The following CFDP1 variants were observed in gnomAD, a reference collection of about 807,000 sequenced individuals.
CFDP1 encodes heterochromatin-stabilizing protein CFDP1.
Under a neutral mutation model 40.1 loss-of-function variants are expected in CFDP1, and 31 were observed. The observed-to-expected ratio is 0.77, with a 90% confidence interval of 0.58 to 1.04. The LOEUF (loss-of-function observed/expected upper bound fraction) is 1.04, where lower values mean the gene tolerates loss of function less well. Ranked by LOEUF, CFDP1 falls within the 50% of genes least tolerant of loss-of-function variation. CFDP1 has a pLI of 0.00. For synonymous variants in CFDP1, 167 were observed against 120.0 expected, an observed-to-expected ratio of 1.39 and a Z score of -2.56; for missense variants, 423 against 343.4, an observed-to-expected ratio of 1.23 and a Z score of -1.83.
chr16:75,411,719 C>A (rs2079164234), intron 4 of CFDP1, 106 bp downstream of exon 4: 7 of 1,197,898 alleles, frequency 5.8e-6, no homozygotes, highest in Non-Finnish European at 7.1e-6. Flanking sequence ...ATAACTCTCC[C>A]AAAATATTAT....
At chr16:75,343,306 A>G (rs1421695264) in intron 5 of CFDP1, among the ~76,000 whole-genome samples, 1 of 152,036 alleles carries the variant, frequency 6.6e-6, no homozygotes, top group East Asian at 1.9e-4. Flanking sequence ...CTCTCCGCAC[A>G]TGCATGTTCT....
Position 75,330,985 on chromosome 16 carries a change from A to ACAAAC in CFDP1, c.651-25804_651-25803insGTTTG, listed in dbSNP as rs1555554966. ...ATTAAAAAAAAAAAAAAAAAAAAAA[A>ACAAAC]CACAAAGTGGGCCTTATTCACCAGG... is the stretch of plus-strand genomic sequence containing the variant. On this transcript the variant is annotated intron_variant, in intron 5 of 6. Coordinates refer to ENST00000283882, the MANE Select transcript of CFDP1 (RefSeq NM_006324.3). 9.8e-5 allele frequency among the ~76,000 whole-genome samples: 14 copies of ACAAAC among 142,612 alleles called. 2 individuals are homozygous for ACAAAC. Among genetic ancestry groups the ACAAAC allele is most frequent in the Non-Finnish European group, 6.0e-5 (4 of 66,174 alleles). The allele number at this position is 142,612 out of a possible 152,430, so 93.6% of individuals were successfully genotyped here.
At chr16:75,317,120 C>G (rs1327143398) in intron 5 of CFDP1, among the ~76,000 whole-genome samples, 4 of 152,252 alleles carry the variant, frequency 2.6e-5, no homozygotes, top group Non-Finnish European at 5.9e-5. Flanking sequence ...AGAGGCCTCT[C>G]TGGCCAACAT....
intron 5 of CFDP1, among the ~76,000 whole-genome samples, chr16:75,376,028 T>C (rs1200772188): frequency 1.3e-5 from 2 of 152,118 alleles, no homozygotes; most frequent in Non-Finnish European, 2.9e-5. Flanking sequence ...GCCTGCAACA[T>C]GGGGAGACCC....
At chr16:75,433,035 A>C (rs1239687220) in intron 1 of CFDP1, among the ~76,000 whole-genome samples, 2 of 152,198 alleles carry the variant, frequency 1.3e-5, no homozygotes, top group Non-Finnish European at 2.9e-5. Context: ...GGCCGTGTCC[A>C]TGTGCCGGTT....
intron 5 of CFDP1, among the ~76,000 whole-genome samples, chr16:75,347,666 G>T (rs997529330): frequency 1.3e-5 from 2 of 152,102 alleles, no homozygotes; most frequent in Non-Finnish European, 2.9e-5. Flanking sequence ...GTGAAAGAGC[G>T]AGACTCCGTC....
chr16:75,350,874 A>G (rs1056583705), intron 5 of CFDP1, among the ~76,000 whole-genome samples: 6 of 152,224 alleles, frequency 3.9e-5, no homozygotes, highest in Admixed American at 3.3e-4. Flanking sequence ...AGCAATTCCC[A>G]AAAATAAATG....
intron 5 of CFDP1, among the ~76,000 whole-genome samples, chr16:75,363,972 C>CACACACACACAG (rs1444591975): frequency 6.6e-6 from 1 of 151,618 alleles, no homozygotes; most frequent in African/African-American, 2.4e-5. Context: ...CACACACACA[C>CACACACACACAG]AGCCATGCAA....
chr16:75,320,087 G>C (rs938705491), intron 5 of CFDP1, among the ~76,000 whole-genome samples: 6 of 152,182 alleles, frequency 3.9e-5, no homozygotes, highest in Admixed American at 3.9e-4. Context: ...TCCATCTCTA[G>C]AGCAAGAGAA....
intron 5 of CFDP1, among the ~76,000 whole-genome samples, chr16:75,314,036 T>C (rs766552615): frequency 1.1e-4 from 16 of 152,080 alleles, no homozygotes; most frequent in Non-Finnish European, 1.9e-4. Flanking sequence ...AGGTGACCGC[T>C]ACCATGCCTG....
Position 75,294,059 on chromosome 16 carries a change from GTGTT to G in CFDP1, c.810-21_810-18del. 6.3e-7 allele frequency: 1 copy of G among 1,591,080 alleles called. No homozygotes were observed. Among genetic ancestry groups the G allele is most frequent in the Non-Finnish European group, 8.6e-7 (1 of 1,159,092 alleles). ...TCAATGTACCTAGAAGATGAAAACA[GTGTT>G]TGTCAGTAGAATCCAGTAGGAAAAA... On this transcript the variant is annotated intron_variant, in intron 6 of 6. Coordinates refer to ENST00000283882, the MANE Select transcript of CFDP1 (RefSeq NM_006324.3).
At chr16:75,424,985 A>T (rs2079320678) in intron 1 of CFDP1, among the ~76,000 whole-genome samples, 1 of 152,234 alleles carries the variant, frequency 6.6e-6, no homozygotes, top group Non-Finnish European at 1.5e-5. Context: ...AAATGAGTTT[A>T]GCAAGGTTGT....
In CFDP1 at chr16:75,433,453, G is replaced by C; in HGVS notation, c.-101C>G. 7 of 1,167,624 alleles carry C rather than the reference G, an allele frequency of 6.0e-6. No homozygotes were observed. Among genetic ancestry groups the C allele is most frequent in the Non-Finnish European group, 8.6e-6 (7 of 814,246 alleles). 72.3% of individuals were successfully genotyped at this position (1,167,624 alleles called of 1,614,324 possible). On this transcript the variant is annotated 5_prime_UTR_variant, in exon 1 of 7. Transcript: ENST00000283882. The stretch of plus-strand genomic sequence containing the variant: ...CCATAGAGCCCCGGCGGCGGCGACG[G>C]CAGCTAGGGCGGCCCCCGACAGCGC...
chr16:75,394,161 T>C (rs1245513116), intron 5 of CFDP1, among the ~76,000 whole-genome samples: 2 of 152,186 alleles, frequency 1.3e-5, no homozygotes, highest in African/African-American at 4.8e-5. Flanking sequence ...CAGAAGCCAC[T>C]GTAGGAGACT....
chr16:75,411,186 C>T (rs1231571278), intron 4 of CFDP1, among the ~76,000 whole-genome samples: 1 of 151,988 alleles, frequency 6.6e-6, no homozygotes, highest in Non-Finnish European at 1.5e-5. Flanking sequence ...CCCTGTACTC[C>T]AGCCTGCACA....
intron 1 of CFDP1, among the ~76,000 whole-genome samples, chr16:75,432,003 C>T (rs1290013140): frequency 6.7e-6 from 1 of 150,098 alleles, no homozygotes; most frequent in Non-Finnish European, 1.5e-5. Flanking sequence ...CCTCCACCTC[C>T]CGAGTTCAAG....
At chr16:75,414,411 T>A (rs1217861118) in intron 2 of CFDP1, among the ~76,000 whole-genome samples, 167 bp downstream of exon 2, 1 of 152,202 alleles carries the variant, frequency 6.6e-6, no homozygotes, top group Non-Finnish European at 1.5e-5. Flanking sequence ...TGTTTAAAGC[T>A]TTCCAGAGAC....
In CFDP1 at chr16:75,338,877, T is replaced by C. The variant is rs373472366; in HGVS notation, c.651-33695A>G. On this transcript the variant is annotated intron_variant, in intron 5 of 6. Coordinates refer to ENST00000283882, the MANE Select transcript of CFDP1 (RefSeq NM_006324.3). Reference sequence around the variant, plus strand: ...GTTACTTTATCATCCTCTTGCGTGTTACCAGAAGACTCTGATGCCAACTTG... The same window carrying C: ...GTTACTTTATCATCCTCTTGCGTGTCACCAGAAGACTCTGATGCCAACTTG... Among the ~76,000 whole-genome samples, 31 of 152,320 alleles carry C rather than the reference T, an allele frequency of 2.0e-4. No individual in the cohort carries two copies. The East Asian group carries it at 2.9e-3, about 14-fold the overall frequency.
At chr16:75,392,655 G>A (rs1331242893) in intron 5 of CFDP1, among the ~76,000 whole-genome samples, 1 of 152,114 alleles carries the variant, frequency 6.6e-6, no homozygotes, top group African/African-American at 2.4e-5. Context: ...GTGCCACCAA[G>A]CCCAGCTAAT....
Sources: gnomAD v4.1 joint callset for allele counts (sites outside exome capture counted in the v4.1 genomes callset) on GRCh38, gnomAD v4.1.1 for gene constraint, MANE v1.5 for transcripts, NCBI Gene and HGNC (gene_info 2026-07-23, HGNC 2026-07-21) for gene names.